Variants in KCNN2 observed in about 807,000 individuals in gnomAD.
KCNN2 encodes the protein small conductance calcium-activated potassium channel protein 2.
In KCNN2, 24 loss-of-function variants were observed where a neutral mutation model predicts 55.5. The ratio of observed to expected loss-of-function variants is 0.43; its 90% confidence interval spans 0.31 to 0.61. KCNN2 has a LOEUF of 0.61. Among genes scored for constraint, KCNN2 ranks in the 20% least tolerant of loss-of-function variants. The probability of loss-of-function intolerance (pLI) is 0.08; values close to 1 mark genes in which losing one functional copy is unlikely to be tolerated. For synonymous variants in KCNN2, 431 were observed against 336.1 expected (o/e 1.28, Z -3.09); for missense variants, 754 against 853.6 (o/e 0.88, Z 1.45).
chr5:114,388,530 A>T (rs777263979), intron 2 of KCNN2, among the ~76,000 whole-genome samples: 4 of 152,138 alleles, frequency 2.6e-5, no homozygotes, highest in Non-Finnish European at 5.9e-5. Flanking sequence ...CAAATTAATC[A>T]TATGGTTATG....
At position 114,363,160 on chromosome 5, in the gene KCNN2, G is replaced by C; in HGVS notation, c.1021G>C (p.Glu341Gln). 1 of 1,613,578 alleles carries C rather than the reference G, an allele frequency of 6.2e-7. No homozygotes were observed. The highest frequency in any genetic ancestry group is 8.5e-7 in the Non-Finnish European group (1 of 1,180,024). Reference sequence around the variant, plus strand: ...GCTGGGCCACCGGCGCGCCCTGTTCGAAAAGCGCAAGCGGCTCAGCGACTA... The same window carrying C: ...GCTGGGCCACCGGCGCGCCCTGTTCCAAAAGCGCAAGCGGCTCAGCGACTA... ...YKLGHRRALFEKRKRLSDYAL... is the reference protein window; with the variant it reads ...YKLGHRRALFQKRKRLSDYAL... Residue 341 changes from glutamate (E) to glutamine (Q), a missense_variant, in exon 1 of 8, where the codon GAA becomes CAA. Glu to Gln is a conservative substitution (Grantham distance 29). This residue lies in a region of KCNN2 where 123 missense variants were observed against 204.9 expected (regional missense o/e 0.60). Transcript: ENST00000673685.
chr5:114,281,745 C>T (rs1453133765), intron 2 of KCNN2, among the ~76,000 whole-genome samples: 1 of 125,076 alleles, frequency 8.0e-6, no homozygotes, highest in African/African-American at 2.9e-5. Flanking sequence ...TATACTATGA[C>T]CTGAAGCAGG....
intron 6 of KCNN2, among the ~76,000 whole-genome samples, chr5:114,489,792 C>T (rs1747760191): frequency 6.6e-6 from 1 of 152,162 alleles, no homozygotes; most frequent in Non-Finnish European, 1.5e-5. Flanking sequence ...CCATTGCCCA[C>T]TGTGCAGATC....
At chr5:114,121,772 C>G (rs557396951) in intron 1 of KCNN2, among the ~76,000 whole-genome samples, 1 of 152,312 alleles carries the variant, frequency 6.6e-6, no homozygotes, top group East Asian at 1.9e-4. Flanking sequence ...CCAACTTGGT[C>G]TTAAGGTATG....
At chr5:114,304,180 CA>C (rs928772766) in intron 2 of KCNN2, among the ~76,000 whole-genome samples, 12 of 152,168 alleles carry the variant, frequency 7.9e-5, no homozygotes, top group Non-Finnish European at 1.6e-4. Context: ...AACCTATTTT[CA>C]GCTAGAGCCA....
intron 2 of KCNN2, among the ~76,000 whole-genome samples, chr5:114,244,696 G>C (rs1754717228): frequency 6.6e-6 from 1 of 152,144 alleles, no homozygotes; most frequent in Non-Finnish European, 1.5e-5. Context: ...TCTTTAGACA[G>C]TAGTCCATCT....
At chr5:114,069,007 G>C (rs1042332357) in intron 1 of KCNN2, among the ~76,000 whole-genome samples, 3 of 152,118 alleles carry the variant, frequency 2.0e-5, no homozygotes, top group Non-Finnish European at 2.9e-5. Flanking sequence ...TAGAGACGGG[G>C]TTTCACTACG....
chr5:114,491,525 T>A (rs201902652), intron 6 of KCNN2, among the ~76,000 whole-genome samples: 1,741 of 53,052 alleles, frequency 0.033, 25 homozygotes, highest in African/African-American at 0.074. Context: ...TTTTTTTTTT[T>A]AAAAAAAGAA....
chr5:114,412,391 A>G (rs1055824868), intron 3 of KCNN2, among the ~76,000 whole-genome samples: 20 of 152,222 alleles, frequency 1.3e-4, no homozygotes, highest in Admixed American at 4.6e-4. Context: ...TCTTTGTAGA[A>G]CATGCTTTTA....
intron 2 of KCNN2, among the ~76,000 whole-genome samples, chr5:114,320,155 A>C (rs562370875): frequency 6.6e-6 from 1 of 152,204 alleles, no homozygotes; most frequent in South Asian, 2.1e-4. Flanking sequence ...GAGTACAGTC[A>C]TATAACTGAT....
chr5:114,485,990 T>C (rs1263252427), intron 5 of KCNN2, among the ~76,000 whole-genome samples: 1 of 152,192 alleles, frequency 6.6e-6, no homozygotes, highest in Non-Finnish European at 1.5e-5. Context: ...AACTTTCTGA[T>C]GTTCCAGAAA....
intron 1 of KCNN2, among the ~76,000 whole-genome samples, chr5:114,084,766 A>G (rs1365284412): frequency 2.0e-5 from 3 of 151,880 alleles, no homozygotes; most frequent in African/African-American, 2.4e-5. Context: ...ATTTTCTTCT[A>G]TGTTTTCTTT....
At chr5:114,494,602 G>GA (rs1030378289) in intron 7 of KCNN2, among the ~76,000 whole-genome samples, 1 of 151,852 alleles carries the variant, frequency 6.6e-6, no homozygotes, top group Admixed American at 6.6e-5. Flanking sequence ...GTATTTTTAT[G>GA]AAAAAATGAA....
At chr5:114,361,040 C>G (rs1161471259), upstream of KCNN2, 1 of 152,436 alleles carries the variant, frequency 6.6e-6, no homozygotes, top group African/African-American at 2.4e-5. Context: ...TCTCCACCGG[C>G]AAGGAAGCCC....
intron 3 of KCNN2, among the ~76,000 whole-genome samples, chr5:114,447,637 T>G (rs1350334024): frequency 2.0e-5 from 3 of 152,222 alleles, no homozygotes; most frequent in Non-Finnish European, 2.9e-5. Context: ...AAGCTTCCCT[T>G]TGCAGTATTC....
chr5:114,321,205 C>T (rs2201617), intron 2 of KCNN2, among the ~76,000 whole-genome samples: 7,506 of 152,070 alleles, frequency 0.049, 633 homozygotes, highest in African/African-American at 0.17. Flanking sequence ...TACAATTTAC[C>T]CCCATTGTTC....
At chr5:114,219,090 G>T (rs1232423778) in intron 1 of KCNN2, among the ~76,000 whole-genome samples, 1 of 152,248 alleles carries the variant, frequency 6.6e-6, no homozygotes, top group Non-Finnish European at 1.5e-5. Flanking sequence ...TCAGCCAGCT[G>T]CTTTTGGGCA....
At chr5:114,227,086 A>G (rs1489836197) in intron 2 of KCNN2, among the ~76,000 whole-genome samples, 2 of 152,044 alleles carry the variant, frequency 1.3e-5, no homozygotes, top group Admixed American at 6.6e-5. Context: ...TTCACTCGTA[A>G]TTCTTATTAC....
intron 1 of KCNN2, among the ~76,000 whole-genome samples, chr5:114,156,178 G>A (rs1482435884): frequency 1.3e-5 from 2 of 152,138 alleles, no homozygotes; most frequent in East Asian, 3.8e-4. Context: ...GTTTGTCAAA[G>A]ATCAGATAGT....
Sources: allele counts gnomAD v4.1 joint callset (sites outside exome capture counted in the v4.1 genomes callset), GRCh38; gene constraint gnomAD v4.1.1; regional missense constraint gnomAD v4.1.1; transcripts MANE v1.5; gene names NCBI Gene and HGNC (gene_info 2026-07-23, HGNC 2026-07-21).